MICU3: variants seen among roughly 807,000 people sequenced by gnomAD.
The protein encoded by MICU3 is calcium uptake protein 3, mitochondrial.
MICU3 carries 62 observed loss-of-function variants against 66.5 expected under a neutral mutation model. The observed-to-expected ratio is 0.93, with a 90% CI of 0.76 to 1.15. The LOEUF (loss-of-function observed/expected upper bound fraction) is 1.15. MICU3 is among the 50% of genes most tolerant of loss of function. The pLI, the probability that MICU3 is intolerant of heterozygous loss-of-function variation, is 0.00. For synonymous variants in MICU3, 308 were observed against 240.7 expected, an observed-to-expected ratio of 1.28 and a Z score of -2.59; for missense variants, 779 against 664.4, an observed-to-expected ratio of 1.17 and a Z score of -1.90.
At chr8:17,072,965 A>G (rs1819829401) in intron 3 of MICU3, among the ~76,000 whole-genome samples, 1 of 151,400 alleles carries the variant, frequency 6.6e-6, no homozygotes, top group Admixed American at 6.6e-5. Flanking sequence ...ATCTTGGCTC[A>G]CTCCATCTTC....
intron 1 of MICU3, among the ~76,000 whole-genome samples, chr8:17,028,698 A>G (rs1563255361): frequency 6.6e-6 from 1 of 152,110 alleles, no homozygotes. Context: ...TGCTTTATGG[A>G]CTATCTAGCA....
intron 1 of MICU3, among the ~76,000 whole-genome samples, chr8:17,059,899 G>A (rs191209555): frequency 3.6e-4 from 55 of 152,124 alleles, no homozygotes; most frequent in Non-Finnish European, 5.9e-4. Flanking sequence ...ATTGTGAGAC[G>A]ATCAATTCTC....
At chr8:17,100,926 T>G (rs1329904282) in intron 9 of MICU3, among the ~76,000 whole-genome samples, 2 of 151,764 alleles carry the variant, frequency 1.3e-5, no homozygotes, top group Admixed American at 6.6e-5. Flanking sequence ...AATGTAAAAT[T>G]TTGCTTTAAA....
chr8:17,061,576 T>A (rs1458588677), intron 1 of MICU3, among the ~76,000 whole-genome samples: 2 of 152,112 alleles, frequency 1.3e-5, no homozygotes, highest in Non-Finnish European at 2.9e-5. Context: ...GAATGGTAGA[T>A]CGAGGCATGC....
rs903480573 is a variant in MICU3, at chr8:17,027,243, C to G, written c.-37C>G. 2.7e-6 allele frequency: 2 copies of G among 739,760 alleles called. No individual in the cohort carries two copies. Among genetic ancestry groups the G allele is most frequent in the East Asian group, 4.7e-5 (1 of 21,376 alleles). 45.8% of individuals were successfully genotyped at this position (739,760 alleles called of 1,614,324 possible). A position where few individuals can be genotyped will look rare whatever the true frequency, so the allele number is the denominator to read the frequency against. ...CCCCCCGCCCCCGCCCCTCCGTTCT[C>G]TGCCCCCTCCCAGCTCTGGTGTGGG... is the stretch of plus-strand genomic sequence containing the variant. On this transcript the variant is annotated 5_prime_UTR_variant, in exon 1 of 15. Coordinates refer to ENST00000318063, the MANE Select transcript of MICU3 (RefSeq NM_181723.3).
intron 1 of MICU3, among the ~76,000 whole-genome samples, chr8:17,043,791 A>G (rs1195750295): frequency 6.6e-6 from 1 of 152,228 alleles, no homozygotes; most frequent in East Asian, 1.9e-4. Flanking sequence ...TTTTGATTCA[A>G]GTCTTTTATA....
intron 1 of MICU3, among the ~76,000 whole-genome samples, chr8:17,030,745 A>G (rs745554404): frequency 1.3e-5 from 2 of 152,300 alleles, no homozygotes; most frequent in South Asian, 2.1e-4. Flanking sequence ...TAGCCCAACT[A>G]CTTACTCTGA....
At chr8:17,107,636 C>A (rs1801852776) in intron 11 of MICU3, among the ~76,000 whole-genome samples, 1 of 152,172 alleles carries the variant, frequency 6.6e-6, no homozygotes, top group Admixed American at 6.5e-5. Context: ...CATTCTCATT[C>A]ATTTAATATA....
downstream of MICU3, among the ~76,000 whole-genome samples, chr8:17,126,165 A>ATTT (rs373396717): frequency 0.16 from 24,863 of 151,946 alleles, 2,345 homozygotes; most frequent in Admixed American, 0.25. Context: ...CTTCCTAAAC[A>ATTT]GTTTCAATCA....
intron 3 of MICU3, among the ~76,000 whole-genome samples, chr8:17,071,359 C>T (rs1343320586): frequency 6.6e-6 from 1 of 152,172 alleles, no homozygotes; most frequent in African/African-American, 2.4e-5. Context: ...TTTTAGGTAG[C>T]AATCTTCTTC....
rs1038513144 is a variant in MICU3 at position 17,105,309 on chromosome 8, A to G, written c.1086-104A>G. On this transcript the variant is annotated intron_variant, in intron 10 of 14. Coordinates refer to ENST00000318063, the MANE Select transcript of MICU3 (RefSeq NM_181723.3). ...TTATTAATCTTTGCATCATCATACA[A>G]TTATTTCCATATAACCTTTTCTAGG... 7.7e-6 allele frequency: 5 copies of G among 647,232 alleles called. No homozygotes were observed. The Admixed American group carries it at 1.4e-4, about 19-fold the overall frequency. 40.1% of individuals were successfully genotyped at this position (647,232 alleles called of 1,614,324 possible).
chr8:17,028,576 G>A (rs1220692333), intron 1 of MICU3, among the ~76,000 whole-genome samples: 2 of 152,204 alleles, frequency 1.3e-5, no homozygotes, highest in Non-Finnish European at 2.9e-5. Context: ...AGAGAGCTAT[G>A]CTGTTTCTAA....
chr8:17,040,487 A>T (rs1299605117), intron 1 of MICU3, among the ~76,000 whole-genome samples: 3 of 152,364 alleles, frequency 2.0e-5, no homozygotes, highest in Middle Eastern at 3.4e-3. Flanking sequence ...AGGGGAAAAT[A>T]ATAGATGTCT....
chr8:17,116,236 AC>A (rs1312219875), intron 12 of MICU3, among the ~76,000 whole-genome samples: 2 of 152,154 alleles, frequency 1.3e-5, no homozygotes, highest in African/African-American at 4.8e-5. Context: ...TGCATTATTA[AC>A]CTAAGATACA....
At chr8:17,127,641 G>A (rs1400307929), downstream of MICU3, among the ~76,000 whole-genome samples, 4 of 152,204 alleles carry the variant, frequency 2.6e-5, no homozygotes, top group African/African-American at 4.8e-5. Flanking sequence ...GTTTCTCATA[G>A]TGATAAATTG....
At chr8:17,059,781 CA>C (rs986062139) in intron 1 of MICU3, among the ~76,000 whole-genome samples, 8 of 151,542 alleles carry the variant, frequency 5.3e-5, no homozygotes, top group African/African-American at 1.2e-4. Context: ...ATGAATCTAC[CA>C]AAAAAAATTT....
chr8:17,028,778 A>C (rs1055942577), intron 1 of MICU3, among the ~76,000 whole-genome samples: 1 of 152,040 alleles, frequency 6.6e-6, no homozygotes, highest in African/African-American at 2.4e-5. Flanking sequence ...AATACCCTCA[A>C]ATCTCCACCC....
rs1215810787 is a variant in MICU3 at position 17,122,351 on chromosome 8, T to G, written c.*2064T>G. 1 of 151,914 alleles carries G rather than the reference T, an allele frequency of 6.6e-6. No individual in the cohort carries two copies. Among genetic ancestry groups the G allele is most frequent in the Non-Finnish European group, 1.5e-5 (1 of 67,766 alleles). 9.4% of individuals were successfully genotyped at this position (151,914 alleles called of 1,614,324 possible). A position where few individuals can be genotyped will look rare whatever the true frequency, so the allele number is the denominator to read the frequency against. Reference sequence around the variant, plus strand: ...TTGTTACTTATATCAATTTAAAATTTGCTAGTGGTTTGAAAATAATAATGT... The same window carrying G: ...TTGTTACTTATATCAATTTAAAATTGGCTAGTGGTTTGAAAATAATAATGT... On this transcript the variant is annotated 3_prime_UTR_variant, in exon 15 of 15. Transcript: ENST00000318063.
At chr8:17,061,312 G>C (rs1484101139) in intron 1 of MICU3, among the ~76,000 whole-genome samples, 1 of 152,092 alleles carries the variant, frequency 6.6e-6, no homozygotes, top group Non-Finnish European at 1.5e-5. Context: ...TGGTAAGCTG[G>C]GGGATTGATA....
Sources: gnomAD v4.1 joint callset for allele counts (sites outside exome capture counted in the v4.1 genomes callset) on GRCh38, gnomAD v4.1.1 for gene constraint, MANE v1.5 for transcripts, NCBI Gene and HGNC (gene_info 2026-07-23, HGNC 2026-07-21) for gene names.